Variants in COL12A1 observed in about 807,000 individuals in gnomAD.
COL12A1 encodes the protein collagen alpha-1(XII) chain.
In COL12A1, 114 loss-of-function variants were observed where a neutral mutation model predicts 349.7. The observed-to-expected ratio is 0.33, with a 90% CI of 0.28 to 0.38. The LOEUF (loss-of-function observed/expected upper bound fraction) is 0.38. COL12A1 is among the 10% of genes least tolerant of loss of function. The pLI is 1.00. For missense variants in COL12A1, 3,284 were observed against 3,756.9 expected (o/e 0.87, Z 3.29); for synonymous variants, 1,369 against 1,329.0 (o/e 1.03, Z -0.66).
intron 54 of COL12A1, among the ~76,000 whole-genome samples, 175 bp downstream of exon 54, chr6:75,105,031 G>A (rs771288816): frequency 2.0e-5 from 3 of 152,086 alleles, no homozygotes; most frequent in African/African-American, 7.2e-5. Context: ...TATTCTTCCC[G>A]ATTTACTCCA....
intron 8 of COL12A1, among the ~76,000 whole-genome samples, chr6:75,187,964 A>G (rs1769722027): frequency 6.6e-6 from 1 of 152,140 alleles, no homozygotes; most frequent in Non-Finnish European, 1.5e-5. Flanking sequence ...TAGTTAGCAG[A>G]AACATTGTTA....
At chr6:75,197,379 C>A (rs1271475537) in intron 2 of COL12A1, among the ~76,000 whole-genome samples, 2 of 149,770 alleles carry the variant, frequency 1.3e-5, no homozygotes, top group Non-Finnish European at 1.5e-5. Context: ...GTGGTACGAA[C>A]TTGGCTCACT....
intron 13 of COL12A1, among the ~76,000 whole-genome samples, chr6:75,167,309 T>C (rs1007735424): frequency 6.6e-6 from 1 of 152,164 alleles, no homozygotes; most frequent in East Asian, 1.9e-4. Flanking sequence ...AGCACGTTTT[T>C]CCTTTGCTTG....
In COL12A1 at chr6:75,119,233, T is replaced by G. The variant is rs1209668375; in HGVS notation, c.7211-47A>C. ...ATTTTAGTGTCACTTCAGTGAAAAC[T>G]ACCCAAATGCCATTAGTCACACCCA... On this transcript the variant is annotated intron_variant, in intron 45 of 65. Coordinates refer to ENST00000322507, the MANE Select transcript of COL12A1 (RefSeq NM_004370.6). 1.9e-6 allele frequency: 3 copies of G among 1,613,084 alleles called. No homozygotes were observed. In the Admixed American group the frequency reaches 5.0e-5, roughly 27 times the overall value.
rs1379622173 is a variant in COL12A1, at chr6:75,084,507, T to C, written c.*2040A>G. 1.3e-5 allele frequency: 2 copies of C among 152,672 alleles called. No individual in the cohort carries two copies. The highest frequency in any genetic ancestry group is 1.5e-5 in the Non-Finnish European group (1 of 68,052). The allele number at this position is 152,672 out of a possible 1,614,324, so 9.5% of individuals were successfully genotyped here. On this transcript the variant is annotated 3_prime_UTR_variant, in exon 66 of 66. Transcript: ENST00000322507. The stretch of plus-strand genomic sequence containing the variant: ...AATATTATATTCTGAAAAAAGTTCA[T>C]ACTAAATATACAACACAAACATGCA...
At chr6:75,146,400 A>C (rs1408971388) in intron 23 of COL12A1, 156 bp from the exon 24 acceptor site, 3 of 770,508 alleles carry the variant, frequency 3.9e-6, no homozygotes, top group Non-Finnish European at 5.5e-6. Flanking sequence ...CCATTGCCCC[A>C]AAAAATCCAA....
At chr6:75,122,617 C>T (rs957566054) in intron 43 of COL12A1, among the ~76,000 whole-genome samples, 1 of 152,176 alleles carries the variant, frequency 6.6e-6, no homozygotes, top group Non-Finnish European at 1.5e-5. Context: ...CACAATAATA[C>T]ACTTTTAATT....
intron 47 of COL12A1, among the ~76,000 whole-genome samples, chr6:75,116,482 T>C (rs572926369): frequency 2.0e-5 from 3 of 152,054 alleles, no homozygotes; most frequent in Non-Finnish European, 4.4e-5. Flanking sequence ...CATGTAACAG[T>C]AACAAGTGTG....
chr6:75,107,353 C>A (rs554242947), intron 52 of COL12A1, among the ~76,000 whole-genome samples: 4 of 152,140 alleles, frequency 2.6e-5, no homozygotes, highest in African/African-American at 9.6e-5. Context: ...TCACTGCAAC[C>A]TCTGCCTCCT....
chr6:75,089,061 T>A (rs1459617601), intron 64 of COL12A1, 45 bp downstream of exon 64: 2 of 1,347,478 alleles, frequency 1.5e-6, no homozygotes, highest in African/African-American at 1.5e-5. Context: ...GTGTGCCCTC[T>A]CGGTATTTAT....
intron 40 of COL12A1, among the ~76,000 whole-genome samples, chr6:75,124,778 G>A (rs900331606): frequency 2.0e-5 from 3 of 151,972 alleles, no homozygotes; most frequent in Admixed American, 1.3e-4. Context: ...ATGAATTTAG[G>A]TAATATATAT....
chr6:75,138,915 T>C lies in COL12A1; in HGVS notation c.5004A>G (p.Ser1668=), dbSNP rs1301829570. Residue 1668 remains serine, a synonymous_variant, in exon 28 of 66, where the codon TCA becomes TCG. Transcript: ENST00000322507. ...PTNLKITEVT[S]EGFRGTWDHG... is the part of the protein sequence containing the mutation. Reference sequence around the variant, plus strand: ...GATCCCAAGTCCCTCTGAAACCCTCTGATGTTACTTCAGTAATCTTTAAGT... The same window carrying C: ...GATCCCAAGTCCCTCTGAAACCCTCCGATGTTACTTCAGTAATCTTTAAGT... 5.6e-6 allele frequency: 9 copies of C among 1,613,972 alleles called. No individual in the cohort carries two copies. The highest frequency in any genetic ancestry group is 7.6e-6 in the Non-Finnish European group (9 of 1,179,948).
At position 75,138,444 on chromosome 6, in the gene COL12A1, C is replaced by T; in HGVS notation, c.5230+4G>A. The T allele has an allele frequency of 6.2e-7, 1 of 1,612,786 alleles. No homozygotes were observed. Among genetic ancestry groups the T allele is most frequent in the South Asian group, 1.1e-5 (1 of 90,614 alleles). On this transcript the variant is annotated splice_donor_region_variant and intron_variant, in intron 29 of 65. Transcript: ENST00000322507. ...AATGTCCTATTTGAAAGCTAAACAC[C>T]TACGTGTGCGCTCACTGCCAATCAG...
chr6:75,177,962 T>G (rs763607702), intron 11 of COL12A1, 27 bp from the exon 12 acceptor site: 1 of 1,570,686 alleles, frequency 6.4e-7, no homozygotes, highest in Non-Finnish European at 8.5e-7. Flanking sequence ...AAAATAGATT[T>G]TAAACCATAA....
At chr6:75,115,533 G>A (rs1003574238) in intron 49 of COL12A1, among the ~76,000 whole-genome samples, 2 of 152,062 alleles carry the variant, frequency 1.3e-5, no homozygotes, top group South Asian at 2.1e-4. Flanking sequence ...ATTCAAAAGG[G>A]TCAGTAATCT....
Position 75,165,555 on chromosome 6 carries a change from A to G in COL12A1, c.2935T>C (p.Tyr979His), listed in dbSNP as rs1768251138. ...AAAGGTTCTCCTTCTCCACTGCTGT[A>G]AGTGGCAAATACTGAAATTCTGTAT... Reference protein sequence around the residue: ...TKYRISVFATYSSGEGEPLTG... With the variant: ...TKYRISVFATHSSGEGEPLTG... Residue 979 changes from tyrosine to histidine, a missense_variant, in exon 14 of 66, where the codon TAC becomes CAC. Around this residue, in one of 2 missense-constraint regions of COL12A1, gnomAD observed 2,601 missense variants for 2,824.8 expected, o/e 0.92. Coordinates refer to ENST00000322507, the MANE Select transcript of COL12A1 (RefSeq NM_004370.6). 1.2e-6 allele frequency: 2 copies of G among 1,613,942 alleles called. No individual in the cohort carries two copies. Among genetic ancestry groups the G allele is most frequent in the Non-Finnish European group, 1.7e-6 (2 of 1,179,868 alleles).
At position 75,097,316 on chromosome 6, in the gene COL12A1, A is replaced by C. The variant is rs1426788209; in HGVS notation, c.8524-10T>G. 11 of 1,611,296 alleles carry C rather than the reference A, an allele frequency of 6.8e-6. No individual in the cohort carries two copies. The highest frequency in any genetic ancestry group is 9.3e-6 in the Non-Finnish European group (11 of 1,178,056). On this transcript the variant is annotated splice_polypyrimidine_tract_variant and intron_variant, in intron 58 of 65. Coordinates refer to ENST00000322507, the MANE Select transcript of COL12A1 (RefSeq NM_004370.6). ...CTTTTCCAGTGAAGCCCTATTGTAA[A>C]AATGAAAGTAATTACAGTTAGGGAG...
intron 12 of COL12A1, 123 bp from the exon 13 acceptor site, chr6:75,175,433 C>T (rs527778697): frequency 5.3e-4 from 610 of 1,156,964 alleles, no homozygotes; most frequent in Non-Finnish European, 6.8e-4. Flanking sequence ...GAGACTATGA[C>T]AATTTTAACT....
At position 75,154,469 on chromosome 6, in the gene COL12A1, C is replaced by T; in HGVS notation, c.3512G>A (p.Gly1171Glu). ...FDGGESSPLVGQEMTTLSDTT... is the reference protein window; with the variant it reads ...FDGGESSPLVEQEMTTLSDTT... ...GTCGGAAAGGGTTGTCATTTCTTGTCCAACAAGTGGTGAGCTTTCTCCTCC... is the reference window on the plus strand; with the variant it reads ...GTCGGAAAGGGTTGTCATTTCTTGTTCAACAAGTGGTGAGCTTTCTCCTCC... The change falls in exon 17 of 66, where the codon GGA becomes GAA. Residue 1171 changes from glycine (G) to glutamate (E), a missense_variant. Gly to Glu is a moderately conservative substitution (Grantham distance 98, BLOSUM62 -2). This residue lies in a region of COL12A1 where 2,601 missense variants were observed against 2,824.8 expected (regional missense o/e 0.92). Transcript: ENST00000322507. 1 of 1,612,658 alleles carries T rather than the reference C, an allele frequency of 6.2e-7. No homozygotes were observed. The highest frequency in any genetic ancestry group is 1.7e-5 in the Admixed American group (1 of 59,908).
Sources: gnomAD v4.1 joint callset for allele counts (sites outside exome capture counted in the v4.1 genomes callset) on GRCh38, gnomAD v4.1.1 for gene constraint, gnomAD v4.1.1 regional missense constraint, MANE v1.5 for transcripts, NCBI Gene and HGNC (gene_info 2026-07-23, HGNC 2026-07-21) for gene names.